Variants in TMEM132D observed in about 807,000 individuals in gnomAD.
TMEM132D encodes transmembrane protein 132D.
TMEM132D carries 21 observed loss-of-function variants against 62.3 expected under a neutral mutation model. The ratio of observed to expected loss-of-function variants is 0.34; its 90% CI spans 0.24 to 0.49. The LOEUF is 0.49. Among genes scored for constraint, TMEM132D ranks in the 20% least tolerant of loss-of-function variants. The pLI, the probability that TMEM132D is intolerant of heterozygous loss-of-function variation, is 0.99. For synonymous variants in TMEM132D, 621 were observed against 575.6 expected (o/e 1.08, Z -1.13); for missense variants, 1,346 against 1,402.8 (o/e 0.96, Z 0.65).
At chr12:129,312,222 T>C (rs1285667431) in intron 4 of TMEM132D, among the ~76,000 whole-genome samples, 3 of 152,184 alleles carry the variant, frequency 2.0e-5, no homozygotes, top group Non-Finnish European at 2.9e-5. Flanking sequence ...CGTTTAACAG[T>C]TGGCTTTGGG....
chr12:129,365,579 G>C (rs780757958), intron 3 of TMEM132D, among the ~76,000 whole-genome samples: 2 of 152,164 alleles, frequency 1.3e-5, no homozygotes, highest in Non-Finnish European at 2.9e-5. Context: ...AGAGGAACCA[G>C]GATGGAGCAG....
chr12:129,787,465 G>T (rs1871276066), intron 1 of TMEM132D, among the ~76,000 whole-genome samples: 1 of 152,134 alleles, frequency 6.6e-6, no homozygotes, highest in African/African-American at 2.4e-5. Flanking sequence ...TGGAAACATT[G>T]CACTTAGATC....
Position 129,225,148 on chromosome 12 carries a change from G to A in TMEM132D, c.1300-15485C>T, listed in dbSNP as rs1329779848. Reference sequence around the variant, plus strand: ...TGTCTGTTTTCTCATCTGCGAAATCGGGACTGGAAAAGTTTCCATGCTATT... The same window carrying A: ...TGTCTGTTTTCTCATCTGCGAAATCAGGACTGGAAAAGTTTCCATGCTATT... On this transcript the variant is annotated intron_variant, in intron 4 of 8. Transcript: ENST00000422113. 2.6e-5 allele frequency among the ~76,000 whole-genome samples: 4 copies of A among 152,072 alleles called. No individual in the cohort carries two copies. In the East Asian group the frequency reaches 5.8e-4, roughly 22 times the overall value.
chr12:129,847,675 A>G (rs1873405272), intron 1 of TMEM132D, among the ~76,000 whole-genome samples: 2 of 152,200 alleles, frequency 1.3e-5, no homozygotes, highest in South Asian at 2.1e-4. Flanking sequence ...TCCTTGCTCT[A>G]TGACCGCTTT....
intron 2 of TMEM132D, among the ~76,000 whole-genome samples, chr12:129,550,053 A>G (rs981956188): frequency 1.3e-5 from 2 of 152,184 alleles, no homozygotes; most frequent in African/African-American, 4.8e-5. Context: ...AAAAGCTGGA[A>G]TAAGAATATG....
chr12:129,264,153 C>A (rs528508041), intron 4 of TMEM132D, among the ~76,000 whole-genome samples: 1 of 152,312 alleles, frequency 6.6e-6, no homozygotes, highest in East Asian at 1.9e-4. Context: ...CTTTGGAAGG[C>A]CAAGGCAGGT....
rs190383673 is a variant in TMEM132D at position 129,885,063 on chromosome 12, A to G, written c.79+18198T>C. ...TATGACAGTTTATTTAACATTCTGG[A>G]AAAAACAAAACTATAGGGACAGAAT... On this transcript the variant is annotated intron_variant, in intron 1 of 8. Coordinates refer to ENST00000422113, the MANE Select transcript of TMEM132D (RefSeq NM_133448.3). 6.9e-4 allele frequency among the ~76,000 whole-genome samples: 105 copies of G among 152,312 alleles called. 1 individual carries two copies. Among genetic ancestry groups the G allele is most frequent in the African/African-American group, 2.0e-3 (85 of 41,576 alleles).
chr12:129,462,077 CTAAA>C (rs1873695638), intron 3 of TMEM132D, among the ~76,000 whole-genome samples: 1 of 152,090 alleles, frequency 6.6e-6, no homozygotes, highest in Non-Finnish European at 1.5e-5. Flanking sequence ...TGAGTAAGTT[CTAAA>C]TAATAGAAAA....
chr12:129,508,780 G>T (rs556813147), intron 3 of TMEM132D, among the ~76,000 whole-genome samples: 3 of 152,138 alleles, frequency 2.0e-5, no homozygotes, highest in South Asian at 2.1e-4. Context: ...TTAAAAAAAT[G>T]AGTGGTGAAT....
chr12:129,091,397 T>C (rs1045749008), intron 5 of TMEM132D, among the ~76,000 whole-genome samples: 19 of 137,710 alleles, frequency 1.4e-4, no homozygotes, highest in African/African-American at 5.3e-4. Context: ...GGGGACCTTA[T>C]ATAAGCTCAC....
intron 2 of TMEM132D, among the ~76,000 whole-genome samples, chr12:129,590,972 G>C (rs1381235559): frequency 6.6e-6 from 1 of 152,096 alleles, no homozygotes; most frequent in African/African-American, 2.4e-5. Context: ...TATTCACAGT[G>C]GTCACGCTGA....
intron 2 of TMEM132D, among the ~76,000 whole-genome samples, chr12:129,659,028 A>G (rs1880167825): frequency 6.6e-6 from 1 of 152,106 alleles, no homozygotes; most frequent in Non-Finnish European, 1.5e-5. Flanking sequence ...AGCCTCCTGA[A>G]TAGCTGTGAA....
chr12:129,549,008 T>C (rs1339653503), intron 2 of TMEM132D, among the ~76,000 whole-genome samples: 1 of 152,240 alleles, frequency 6.6e-6, no homozygotes, highest in Non-Finnish European at 1.5e-5. Flanking sequence ...GAGAATTGTA[T>C]CACCATTTCC....
chr12:129,302,680 A>C (rs1881750695), intron 4 of TMEM132D, among the ~76,000 whole-genome samples: 1 of 152,204 alleles, frequency 6.6e-6, no homozygotes, highest in Non-Finnish European at 1.5e-5. Flanking sequence ...TATTTTTCTC[A>C]TAATCATGGC....
intron 2 of TMEM132D, among the ~76,000 whole-genome samples, chr12:129,628,135 G>C (rs1156502329): frequency 2.6e-5 from 4 of 151,796 alleles, no homozygotes; most frequent in Non-Finnish European, 5.9e-5. Context: ...TGGTAAATGA[G>C]AGAAAATTTC....
chr12:129,660,637 A>G (rs918955433), intron 2 of TMEM132D, among the ~76,000 whole-genome samples: 1 of 152,024 alleles, frequency 6.6e-6, no homozygotes, highest in African/African-American at 2.4e-5. Flanking sequence ...GCCTGCATGT[A>G]AAAAACGGGG....
intron 2 of TMEM132D, among the ~76,000 whole-genome samples, chr12:129,631,641 G>A (rs899519735): frequency 2.0e-5 from 3 of 152,186 alleles, no homozygotes; most frequent in Non-Finnish European, 4.4e-5. Context: ...GATGATCCCC[G>A]GTGATGCGTC....
chr12:129,874,361 TATC>T (rs1439433388), intron 1 of TMEM132D, among the ~76,000 whole-genome samples: 1 of 152,000 alleles, frequency 6.6e-6, no homozygotes, highest in Non-Finnish European at 1.5e-5. Context: ...AGTGAGCTGA[TATC>T]ATACCACTGC....
Position 129,266,157 on chromosome 12 carries a change from CTT to C in TMEM132D, c.1300-56496_1300-56495del, listed in dbSNP as rs367857364. On this transcript the variant is annotated intron_variant, in intron 4 of 8. Coordinates refer to ENST00000422113, the MANE Select transcript of TMEM132D (RefSeq NM_133448.3). ...TGGATGGTCATTTCAGTACTCGTAT[CTT>C]TACTGACCAAGAAGCAGCATTAGGC... 4.1e-3 allele frequency among the ~76,000 whole-genome samples: 623 copies of C among 152,260 alleles called. 2 individuals are homozygous for C. Among genetic ancestry groups the C allele is most frequent in the Non-Finnish European group, 5.6e-3 (381 of 68,024 alleles).
Sources: gnomAD v4.1 joint callset for allele counts (sites outside exome capture counted in the v4.1 genomes callset) on GRCh38, gnomAD v4.1.1 for gene constraint, MANE v1.5 for transcripts, NCBI Gene and HGNC (gene_info 2026-07-23, HGNC 2026-07-21) for gene names.